The following PDE4D variants were observed in gnomAD, a reference collection of about 807,000 sequenced individuals.
The protein encoded by PDE4D is 3',5'-cyclic-AMP phosphodiesterase 4D.
In PDE4D, 24 loss-of-function variants were observed where a neutral mutation model predicts 87.4. The ratio of observed to expected loss-of-function variants is 0.27; its 90% CI spans 0.20 to 0.39. The LOEUF (loss-of-function observed/expected upper bound fraction) is 0.39, where lower values mean the gene tolerates loss of function less well. Ranked by LOEUF, PDE4D falls within the 10% of genes least tolerant of loss-of-function variation. The probability of loss-of-function intolerance (pLI) is 1.00; values close to 1 mark genes in which losing one functional copy is unlikely to be tolerated. For missense variants in PDE4D, 714 were observed against 1,041.0 expected (o/e 0.69, Z 4.32); for synonymous variants, 384 against 383.2 (o/e 1.00, Z -0.02).
intron 1 of PDE4D, among the ~76,000 whole-genome samples, chr5:59,777,699 G>A (rs901245425): frequency 2.0e-5 from 3 of 152,166 alleles, no homozygotes; most frequent in Admixed American, 2.0e-4. Flanking sequence ...TTGGACACAG[G>A]TGATCCTATT....
At chr5:59,526,208 G>A (rs762713581) in intron 1 of PDE4D, among the ~76,000 whole-genome samples, 1 of 152,094 alleles carries the variant, frequency 6.6e-6, no homozygotes, top group Non-Finnish European at 1.5e-5. Flanking sequence ...AAAAGTACAC[G>A]CTGCAGTTTG....
At chr5:59,271,277 G>A (rs191568935) in intron 1 of PDE4D, among the ~76,000 whole-genome samples, 72 of 152,180 alleles carry the variant, frequency 4.7e-4, no homozygotes, top group African/African-American at 1.4e-3. Flanking sequence ...GGCCTCAGGC[G>A]ATCTGCCTGC....
At chr5:60,498,095 T>C (rs1385728772) in intron 1 of PDE4D, among the ~76,000 whole-genome samples, 1 of 152,012 alleles carries the variant, frequency 6.6e-6, no homozygotes, top group African/African-American at 2.4e-5. Context: ...CAGAAAAGTT[T>C]GGATAACAGA....
chr5:60,459,951 C>T (rs1171205722), intron 1 of PDE4D: 1 of 744,370 alleles, frequency 1.3e-6, no homozygotes, highest in South Asian at 1.5e-5. Flanking sequence ...TTTATCCTTC[C>T]TCCTCTTCAT....
chr5:59,395,516 A>G (rs976699598), intron 1 of PDE4D, among the ~76,000 whole-genome samples: 5 of 152,028 alleles, frequency 3.3e-5, no homozygotes, highest in African/African-American at 1.2e-4. Context: ...CCTGCAGCTG[A>G]GGGTCCTGTC....
At chr5:59,047,617 G>A (rs1253526466) in intron 5 of PDE4D, among the ~76,000 whole-genome samples, 1 of 152,206 alleles carries the variant, frequency 6.6e-6, no homozygotes, top group Non-Finnish European at 1.5e-5. Context: ...TCCCTGAAGG[G>A]GAAGGAGAAG....
chr5:59,259,391 G>A (rs1761557826), intron 1 of PDE4D, among the ~76,000 whole-genome samples: 1 of 151,770 alleles, frequency 6.6e-6, no homozygotes, highest in East Asian at 1.9e-4. Flanking sequence ...AACTGCCCTG[G>A]AATTTTAATA....
chr5:60,299,088 G>A (rs17324698), intron 1 of PDE4D, among the ~76,000 whole-genome samples: 3,892 of 152,104 alleles, frequency 0.026, 91 homozygotes, highest in Middle Eastern at 0.044. Context: ...CAAATAATTA[G>A]CACACAAGCT....
intron 1 of PDE4D, among the ~76,000 whole-genome samples, chr5:60,329,537 A>C (rs1757128484): frequency 6.6e-6 from 1 of 152,146 alleles, no homozygotes; most frequent in African/African-American, 2.4e-5. Context: ...AATCTACCTT[A>C]TGTCAATTTC....
intron 2 of PDE4D, among the ~76,000 whole-genome samples, chr5:60,178,518 C>T (rs1347860101): frequency 6.6e-6 from 1 of 152,006 alleles, no homozygotes; most frequent in Non-Finnish European, 1.5e-5. Context: ...TCCTCCAATC[C>T]CTTGTTTATT....
At chr5:59,372,067 C>G (rs1285164561) in intron 1 of PDE4D, among the ~76,000 whole-genome samples, 3 of 152,180 alleles carry the variant, frequency 2.0e-5, no homozygotes, top group Non-Finnish European at 4.4e-5. Context: ...CTAAATTATG[C>G]TTTCCCTCAT....
At chr5:60,243,481 A>T (rs150732687) in intron 1 of PDE4D, among the ~76,000 whole-genome samples, 507 of 152,154 alleles carry the variant, frequency 3.3e-3, no homozygotes, top group Middle Eastern at 0.017. Flanking sequence ...TATTACCCTG[A>T]TACCAAAACC....
chr5:60,225,959 A>G (rs1396222391), intron 1 of PDE4D, among the ~76,000 whole-genome samples: 3 of 152,114 alleles, frequency 2.0e-5, no homozygotes, highest in African/African-American at 7.2e-5. Flanking sequence ...CTGACACATT[A>G]ATTTTTGTTT....
At chr5:59,307,446 T>G (rs1357235102) in intron 1 of PDE4D, among the ~76,000 whole-genome samples, 2 of 152,002 alleles carry the variant, frequency 1.3e-5, no homozygotes, top group African/African-American at 2.4e-5. Context: ...GGAGAAAATT[T>G]TCGCAACCTA....
chr5:59,869,243 A>G (rs1226645489), intron 1 of PDE4D, among the ~76,000 whole-genome samples: 1 of 152,224 alleles, frequency 6.6e-6, no homozygotes, highest in African/African-American at 2.4e-5. Context: ...AGAATCAGAG[A>G]CACATAATCA....
At chr5:59,910,787 C>T (rs1358989778) in intron 3 of PDE4D, among the ~76,000 whole-genome samples, 1 of 152,098 alleles carries the variant, frequency 6.6e-6, no homozygotes, top group Non-Finnish European at 1.5e-5. Flanking sequence ...TATTTATCTC[C>T]CTGCCCCCAA....
chr5:59,877,102 TG>T (rs984427488), intron 1 of PDE4D, among the ~76,000 whole-genome samples: 79 of 152,218 alleles, frequency 5.2e-4, no homozygotes, highest in African/African-American at 1.9e-3. Context: ...TCTAAGAAAA[TG>T]AAAAATTAAA....
At chr5:59,749,506 C>T (rs1451982122) in intron 1 of PDE4D, among the ~76,000 whole-genome samples, 5 of 152,136 alleles carry the variant, frequency 3.3e-5, no homozygotes, top group African/African-American at 4.8e-5. Flanking sequence ...TCAGGGGATC[C>T]GCCCAAAGTG....
intron 1 of PDE4D, among the ~76,000 whole-genome samples, chr5:59,706,103 C>T (rs954506089): frequency 3.3e-5 from 5 of 152,084 alleles, no homozygotes; most frequent in Middle Eastern, 3.2e-3. Flanking sequence ...ATGACAAAAA[C>T]GAAATTCTAT....
Sources: gnomAD v4.1 joint callset for allele counts (sites outside exome capture counted in the v4.1 genomes callset) on GRCh38, gnomAD v4.1.1 for gene constraint, MANE v1.5 for transcripts, NCBI Gene and HGNC (gene_info 2026-07-23, HGNC 2026-07-21) for gene names.